NVL: variants seen among roughly 807,000 people sequenced by gnomAD.
NVL encodes the protein nuclear VCP like.
Under a neutral mutation model 110.2 loss-of-function variants are expected in NVL, and 84 were observed. The ratio of observed to expected loss-of-function variants is 0.76; its 90% CI spans 0.64 to 0.91. The LOEUF (loss-of-function observed/expected upper bound fraction) is 0.91, where lower values mean the gene tolerates loss of function less well. NVL is among the 40% of genes least tolerant of loss of function. The pLI, the probability that NVL is intolerant of heterozygous loss-of-function variation, is 0.00. For synonymous variants in NVL, 354 were observed against 361.1 expected (o/e 0.98, Z 0.22); for missense variants, 882 against 1,035.9 (o/e 0.85, Z 2.04).
At position 224,275,470 on chromosome 1, in the gene NVL, C is replaced by T. The variant is rs150045692; in HGVS notation, c.1963-12G>A. 1,171 of 1,613,980 alleles carry T rather than the reference C, an allele frequency of 7.3e-4. 16 individuals carry two copies. The East Asian group carries it at 0.023, about 32-fold the overall frequency. ...CTCTCACCAACATACTAAACATACA[C>T]AGAAAGGAAATAAAATACCAACAGT... On this transcript the variant is annotated splice_polypyrimidine_tract_variant and intron_variant, in intron 16 of 22. Transcript: ENST00000281701.
At chr1:224,247,018 G>A (rs892375809) in intron 19 of NVL, among the ~76,000 whole-genome samples, 3 of 150,012 alleles carry the variant, frequency 2.0e-5, no homozygotes, top group Admixed American at 1.3e-4. Context: ...CTTCAGCCTG[G>A]GCAACAAACA....
At chr1:224,268,293 TC>T (rs1293908825) in intron 17 of NVL, among the ~76,000 whole-genome samples, 160 bp from the exon 18 acceptor site, 4 of 151,820 alleles carry the variant, frequency 2.6e-5, no homozygotes, top group Non-Finnish European at 2.9e-5. Context: ...TGTGTTCTCA[TC>T]AGTGGACCTC....
At chr1:224,309,428 A>T (rs1278704584) in intron 5 of NVL, among the ~76,000 whole-genome samples, 1 of 152,020 alleles carries the variant, frequency 6.6e-6, no homozygotes, top group Non-Finnish European at 1.5e-5. Context: ...CTAAGGTAGG[A>T]GGACAACTTG....
intron 19 of NVL, among the ~76,000 whole-genome samples, chr1:224,240,038 G>A (rs1271333766): frequency 2.7e-5 from 4 of 150,058 alleles, no homozygotes; most frequent in Non-Finnish European, 5.9e-5. Flanking sequence ...TGGGATTACA[G>A]GCATGCGCTA....
At chr1:224,318,488 G>A (rs1031691137) in intron 2 of NVL, among the ~76,000 whole-genome samples, 2 of 152,124 alleles carry the variant, frequency 1.3e-5, no homozygotes, top group Non-Finnish European at 2.9e-5. Flanking sequence ...TGTAGTCCCA[G>A]CTACTTGGGA....
intron 12 of NVL, 109 bp from the exon 13 acceptor site, chr1:224,289,842 G>T: frequency 1.0e-6 from 1 of 976,964 alleles, no homozygotes; most frequent in Non-Finnish European, 1.5e-6. Context: ...GTATCAAAAT[G>T]GATACTATAT....
At chr1:224,235,158 TTTTTAA>T (rs1660321123) in intron 20 of NVL, among the ~76,000 whole-genome samples, 1 of 152,042 alleles carries the variant, frequency 6.6e-6, no homozygotes, top group South Asian at 2.1e-4. Context: ...CATTTCTTTA[TTTTTAA>T]TTTTATTTAT....
chr1:224,252,504 G>T (rs1662615288), intron 18 of NVL, among the ~76,000 whole-genome samples: 1 of 152,020 alleles, frequency 6.6e-6, no homozygotes, highest in African/African-American at 2.4e-5. Context: ...TAACCAATGA[G>T]TTACTCCTCT....
rs541098527 is a variant in NVL at position 224,289,598 on chromosome 1, A to G, written c.1461T>C (p.Asn487=). 1 of 1,614,236 alleles carries G rather than the reference A, an allele frequency of 6.2e-7. No individual in the cohort carries two copies. The highest frequency in any genetic ancestry group is 1.3e-5 in the African/African-American group (1 of 75,064). ...LCREAAMCAV[N]RVLMKLQEQQ... is the part of the protein sequence containing the mutation. ...GTTCCTGTAGCTTCATTAAGACTCTATTGACTGCACACATTGCTGCCTCTC... is the reference window on the plus strand; with the variant it reads ...GTTCCTGTAGCTTCATTAAGACTCTGTTGACTGCACACATTGCTGCCTCTC... The change falls in exon 13 of 23, where the codon AAT becomes AAC. Residue 487 remains asparagine (N), a synonymous_variant. Transcript: ENST00000281701.
In NVL at chr1:224,231,279, G is replaced by A; in HGVS notation, c.2473C>T (p.His825Tyr). 1 of 1,612,026 alleles carries A rather than the reference G, an allele frequency of 6.2e-7. No homozygotes were observed. The highest frequency in any genetic ancestry group is 1.1e-5 in the South Asian group (1 of 91,026). Reference sequence around the variant, plus strand: ...TTGAAAGCTTCTTCAAAATGCTTATGACTAACCTTGAGTTCACCTATGGAG... The same window carrying A: ...TTGAAAGCTTCTTCAAAATGCTTATAACTAACCTTGAGTTCACCTATGGAG... ...GNEKGELKVS[H>Y]KHFEEAFKKV... is the part of the protein sequence containing the mutation. The change falls in exon 22 of 23, where the codon CAT (histidine) becomes TAT (tyrosine). Residue 825 changes from histidine to tyrosine, a missense_variant. Around this residue, in one of 4 missense-constraint regions of NVL, gnomAD observed 126 missense variants for 140.7 expected, o/e 0.90. Transcript: ENST00000281701.
rs530649483 is a variant in NVL at position 224,266,759 on chromosome 1, A to G, written c.2182+1275T>C. ...GATGACTCTGTGATTTTATGACCTA[A>G]TGACTGTTCCCACTACTATTACCAA... On this transcript the variant is annotated intron_variant, in intron 18 of 22. Transcript: ENST00000281701. 3.5e-3 allele frequency among the ~76,000 whole-genome samples: 535 copies of G among 152,276 alleles called. 3 individuals carry two copies. Among genetic ancestry groups the G allele is most frequent in the African/African-American group, 0.012 (502 of 41,548 alleles).
intron 4 of NVL, chr1:224,313,210 TCAGCATTAC>T (rs1358344479): frequency 1.1e-5 from 2 of 185,200 alleles, no homozygotes; most frequent in African/African-American, 5.0e-5. Flanking sequence ...TTAAAATTAA[TCAGCATTAC>T]TTGGGAGCAA....
chr1:224,253,505 C>T (rs528436750), intron 18 of NVL, among the ~76,000 whole-genome samples: 19 of 151,106 alleles, frequency 1.3e-4, no homozygotes, highest in Admixed American at 2.6e-4. Context: ...GAGGCTGAGG[C>T]GGGAGGATCA....
intron 4 of NVL, 103 bp from the exon 5 acceptor site, chr1:224,311,960 G>A (rs1669569639): frequency 1.2e-5 from 10 of 843,296 alleles, no homozygotes; most frequent in African/African-American, 3.4e-5. Context: ...AGATTATGGT[G>A]GTTAAGAGTC....
At chr1:224,255,333 G>A (rs1663090701) in intron 18 of NVL, among the ~76,000 whole-genome samples, 1 of 151,732 alleles carries the variant, frequency 6.6e-6, no homozygotes, top group East Asian at 1.9e-4. Context: ...GGGACTTACA[G>A]GTGCCCACCA....
chr1:224,305,781 G>T (rs1249452150), intron 6 of NVL, among the ~76,000 whole-genome samples: 2 of 152,216 alleles, frequency 1.3e-5, no homozygotes, highest in Non-Finnish European at 2.9e-5. Context: ...GACCTCAGGT[G>T]ATCTGCCCAC....
At position 224,292,931 on chromosome 1, in the gene NVL, T is replaced by C. The variant is rs538007097; in HGVS notation, c.1325+1336A>G. ...ACGCCCGGCTAATTTTTTTGTGTAT[T>C]TTTAGTAGAGATGGGGTTTCACCAT... On this transcript the variant is annotated intron_variant, in intron 12 of 22. Transcript: ENST00000281701. Among the ~76,000 whole-genome samples the C allele has an allele frequency of 5.9e-5, 9 of 152,176 alleles. No homozygotes were observed. In the South Asian group the frequency reaches 1.9e-3, roughly 32 times the overall value.
chr1:224,321,944 G>A (rs1013668574), intron 2 of NVL, among the ~76,000 whole-genome samples: 1 of 151,970 alleles, frequency 6.6e-6, no homozygotes, highest in African/African-American at 2.4e-5. Context: ...GAAGGAAGTG[G>A]ACAACATACA....
chr1:224,258,973 C>T (rs1160371664), intron 18 of NVL, among the ~76,000 whole-genome samples: 3 of 94,234 alleles, frequency 3.2e-5, no homozygotes, highest in Non-Finnish European at 5.8e-5. Context: ...GACCCTGTCT[C>T]TACATTAAAA....
Sources: gnomAD v4.1 joint callset for allele counts (sites outside exome capture counted in the v4.1 genomes callset) on GRCh38, gnomAD v4.1.1 for gene constraint, gnomAD v4.1.1 regional missense constraint, MANE v1.5 for transcripts, NCBI Gene and HGNC (gene_info 2026-07-23, HGNC 2026-07-21) for gene names.